The following TP63 variants were observed in gnomAD, a reference collection of about 807,000 sequenced individuals.
TP63 encodes the protein tumor protein 63.
TP63 carries 17 observed loss-of-function variants against 82.8 expected under a neutral mutation model. That is an observed-to-expected ratio of 0.21 (90% confidence interval 0.14 to 0.31). The LOEUF (loss-of-function observed/expected upper bound fraction) is 0.31. Ranked by LOEUF, TP63 falls within the 10% of genes least tolerant of loss-of-function variation. The pLI is 1.00. For missense variants in TP63, 648 were observed against 895.3 expected (o/e 0.72, Z 3.52); for synonymous variants, 330 against 321.7 (o/e 1.03, Z -0.28).
chr3:189,725,639 G>A (rs1404238001), intron 1 of TP63, among the ~76,000 whole-genome samples: 2 of 152,138 alleles, frequency 1.3e-5, no homozygotes, highest in African/African-American at 4.8e-5. Flanking sequence ...CAATATGGGG[G>A]CAGATGGTGG....
chr3:189,866,825 A>G (rs1717787229), intron 6 of TP63, 28 bp downstream of exon 6: 4 of 1,582,706 alleles, frequency 2.5e-6, no homozygotes, highest in East Asian at 2.2e-5. Flanking sequence ...AAACCAAAAA[A>G]CAACACCTCT....
At chr3:189,848,614 C>T (rs1042757865) in intron 4 of TP63, among the ~76,000 whole-genome samples, 1 of 152,124 alleles carries the variant, frequency 6.6e-6, no homozygotes, top group South Asian at 2.1e-4. Flanking sequence ...TAGAACCAAG[C>T]CCTTGCTTTA....
At chr3:189,701,284 C>T (rs2108739906) in intron 1 of TP63, among the ~76,000 whole-genome samples, 1 of 152,150 alleles carries the variant, frequency 6.6e-6, no homozygotes, top group Non-Finnish European at 1.5e-5. Flanking sequence ...AAGAATTAGT[C>T]TGTTTCTGTG....
At chr3:189,597,537 A>G in the TP63 span, among the ~76,000 whole-genome samples, 2 of 152,250 alleles carry the variant, frequency 1.3e-5, no homozygotes, top group East Asian at 3.8e-4. Context: ...TGTGGTAAAA[A>G]TAGAATCAAA....
intron 1 of TP63, among the ~76,000 whole-genome samples, chr3:189,717,559 A>G (rs1003763858): frequency 1.3e-5 from 2 of 152,196 alleles, no homozygotes; most frequent in African/African-American, 4.8e-5. Flanking sequence ...TCAATACACT[A>G]AAAATATGAC....
chr3:189,641,699 A>G (rs185756808), intron 1 of TP63, among the ~76,000 whole-genome samples: 23 of 152,236 alleles, frequency 1.5e-4, no homozygotes, highest in Non-Finnish European at 2.8e-4. Context: ...GTTTGGTTAT[A>G]ATTTTTGTTA....
intron 1 of TP63, among the ~76,000 whole-genome samples, chr3:189,662,677 A>G (rs1714030209): frequency 1.3e-5 from 2 of 152,066 alleles, no homozygotes; most frequent in Admixed American, 6.6e-5. Flanking sequence ...ACAGTATTTC[A>G]ATTCCTTAAA....
chr3:189,620,783 A>C, the TP63 span, among the ~76,000 whole-genome samples: 60,261 of 152,072 alleles, frequency 0.4, 13,217 homozygotes, highest in Middle Eastern at 0.63. Flanking sequence ...TCCAAGGAGC[A>C]GTGCATGAGG....
the TP63 span, among the ~76,000 whole-genome samples, chr3:189,600,479 A>G: frequency 6.6e-6 from 1 of 152,200 alleles, no homozygotes; most frequent in Non-Finnish European, 1.5e-5. Flanking sequence ...TTTTGTACCT[A>G]TGTAGCAGAT....
chr3:189,762,382 C>T (rs980506666), intron 3 of TP63, among the ~76,000 whole-genome samples: 1 of 152,084 alleles, frequency 6.6e-6, no homozygotes, highest in Non-Finnish European at 1.5e-5. Context: ...CATGACTCCT[C>T]AGGTCCCTTA....
At chr3:189,615,247 T>C in the TP63 span, among the ~76,000 whole-genome samples, 3 of 152,186 alleles carry the variant, frequency 2.0e-5, no homozygotes, top group East Asian at 1.9e-4. Flanking sequence ...TTCTTCAGTC[T>C]CTTGAATATT....
At chr3:189,736,699 G>T (rs1396716937) in intron 1 of TP63, among the ~76,000 whole-genome samples, 1 of 152,058 alleles carries the variant, frequency 6.6e-6, no homozygotes, top group Non-Finnish European at 1.5e-5. Context: ...ATGTGCTATT[G>T]CAGGTAGCTT....
chr3:189,761,760 T>C (rs915251685), intron 3 of TP63, among the ~76,000 whole-genome samples: 2 of 152,188 alleles, frequency 1.3e-5, no homozygotes, highest in African/African-American at 4.8e-5. Context: ...TATCCGAGAC[T>C]GGGCAATTTA....
At chr3:189,794,666 C>G (rs955562675) in intron 3 of TP63, among the ~76,000 whole-genome samples, 6 of 152,030 alleles carry the variant, frequency 3.9e-5, no homozygotes, top group African/African-American at 1.4e-4. Flanking sequence ...GACCATAACA[C>G]TGAGAGGAGA....
chr3:189,730,443 CTCT>C (rs1201817125), intron 1 of TP63, among the ~76,000 whole-genome samples: 1 of 152,056 alleles, frequency 6.6e-6, no homozygotes, highest in Non-Finnish European at 1.5e-5. Flanking sequence ...AGAAATATTC[CTCT>C]TAACTATGAA....
In TP63 at chr3:189,756,508, C is replaced by A. The variant is rs540228819; in HGVS notation, c.324+17734C>A. ...TGCATTTCAAACCCTGAACAAACAGCCTTCTTAATAAAATAAGGGAAAGAG... is the reference window on the plus strand; with the variant it reads ...TGCATTTCAAACCCTGAACAAACAGACTTCTTAATAAAATAAGGGAAAGAG... On this transcript the variant is annotated intron_variant, in intron 3 of 13. Transcript: ENST00000264731. Among the ~76,000 whole-genome samples the A allele has an allele frequency of 7.9e-5, 12 of 152,266 alleles. No homozygotes were observed. The East Asian group carries it at 2.3e-3, about 29-fold the overall frequency.
chr3:189,878,234 C>T (rs1719455496), intron 10 of TP63, among the ~76,000 whole-genome samples: 1 of 152,076 alleles, frequency 6.6e-6, no homozygotes, highest in Non-Finnish European at 1.5e-5. Flanking sequence ...AAAATGTCAA[C>T]ACCGTATTTC....
intron 1 of TP63, among the ~76,000 whole-genome samples, chr3:189,710,082 A>G (rs1272215979): frequency 6.6e-6 from 1 of 152,176 alleles, no homozygotes. Flanking sequence ...AAAATGGTCC[A>G]TGTTTCACTA....
At chr3:189,887,133 C>G (rs1203496252) in intron 11 of TP63, among the ~76,000 whole-genome samples, 1 of 150,312 alleles carries the variant, frequency 6.7e-6, no homozygotes, top group African/African-American at 2.5e-5. Flanking sequence ...CACTTGAACC[C>G]GGGAGGCAGA....
Sources: gnomAD v4.1 joint callset for allele counts (sites outside exome capture counted in the v4.1 genomes callset) on GRCh38, gnomAD v4.1.1 for gene constraint, MANE v1.5 for transcripts, NCBI Gene and HGNC (gene_info 2026-07-23, HGNC 2026-07-21) for gene names.